PDE4D: variants seen among roughly 807,000 people sequenced by gnomAD.
PDE4D encodes the protein 3',5'-cyclic-AMP phosphodiesterase 4D.
In PDE4D, 24 loss-of-function variants were observed where a neutral mutation model predicts 87.4. The ratio of observed to expected loss-of-function variants is 0.27; its 90% confidence interval spans 0.20 to 0.39. PDE4D has a LOEUF of 0.39. PDE4D is among the 10% of genes least tolerant of loss of function. The pLI, the probability that PDE4D is intolerant of heterozygous loss-of-function variation, is 1.00. For synonymous variants in PDE4D, 384 were observed against 383.2 expected (o/e 1.00, Z -0.02); for missense variants, 714 against 1,041.0 (o/e 0.69, Z 4.32).
At chr5:60,042,365 C>T (rs972331557) in intron 2 of PDE4D, among the ~76,000 whole-genome samples, 6 of 152,186 alleles carry the variant, frequency 3.9e-5, no homozygotes, top group African/African-American at 1.2e-4. Flanking sequence ...TGCCTGTAGG[C>T]GCTGCTTCAG....
intron 1 of PDE4D, among the ~76,000 whole-genome samples, chr5:59,423,716 A>T (rs754271567): frequency 6.6e-6 from 1 of 152,126 alleles, no homozygotes; most frequent in African/African-American, 2.4e-5. Flanking sequence ...GCTAGTAGTT[A>T]TTTATACCTA....
intron 1 of PDE4D, among the ~76,000 whole-genome samples, chr5:60,242,984 T>C (rs1583189933): frequency 6.6e-6 from 1 of 151,476 alleles, no homozygotes; most frequent in African/African-American, 2.4e-5. Flanking sequence ...AATAATAAAG[T>C]TCAGAGCAGA....
intron 1 of PDE4D, among the ~76,000 whole-genome samples, chr5:59,547,851 G>A (rs1043763925): frequency 3.3e-5 from 5 of 152,138 alleles, no homozygotes; most frequent in Non-Finnish European, 1.5e-5. Context: ...GGCCTGGTCA[G>A]TCAGTCACAA....
rs1462588500 is a variant in PDE4D at position 58,973,172 on chromosome 5, ATATTC to A, written c.*1487_*1491del. 6.6e-6 allele frequency: 1 copy of A among 152,146 alleles called. No individual in the cohort carries two copies. Among genetic ancestry groups the A allele is most frequent in the Admixed American group, 6.5e-5 (1 of 15,282 alleles). The allele number at this position is 152,146 out of a possible 1,614,324, so 9.4% of individuals were successfully genotyped here. A position where few individuals can be genotyped will look rare whatever the true frequency, so the allele number is the denominator to read the frequency against. On this transcript the variant is annotated 3_prime_UTR_variant, in exon 15 of 15. Coordinates refer to ENST00000340635, the MANE Select transcript of PDE4D (RefSeq NM_001104631.2). ...ATTGGTGTTTGTTAATATATTGTTA[ATATTC>A]TTAAAAACTGCCTAGTTGGCTGTTT...
chr5:59,473,266 T>G (rs930647488), intron 1 of PDE4D, among the ~76,000 whole-genome samples: 1 of 152,114 alleles, frequency 6.6e-6, no homozygotes, highest in Non-Finnish European at 1.5e-5. Context: ...ATATATAGTT[T>G]AGACTCTAAT....
intron 1 of PDE4D, among the ~76,000 whole-genome samples, chr5:59,666,890 T>C (rs1320828794): frequency 6.6e-6 from 1 of 152,184 alleles, no homozygotes; most frequent in African/African-American, 2.4e-5. Context: ...TCCTCATTCA[T>C]AGTCCAGCTC....
At chr5:58,993,127 G>T (rs1311857919) in intron 7 of PDE4D, among the ~76,000 whole-genome samples, 1 of 151,960 alleles carries the variant, frequency 6.6e-6, no homozygotes, top group Admixed American at 6.6e-5. Context: ...TGAAAAAATG[G>T]CAATATATAA....
At chr5:59,164,873 G>A (rs1167135414) in intron 5 of PDE4D, 1 of 152,126 alleles carries the variant, frequency 6.6e-6, no homozygotes, top group Non-Finnish European at 1.5e-5. Context: ...CAGATTTAGA[G>A]ACAGAGGCCA....
At chr5:59,400,807 TGA>T (rs1790474139) in intron 1 of PDE4D, among the ~76,000 whole-genome samples, 1 of 152,118 alleles carries the variant, frequency 6.6e-6, no homozygotes, top group African/African-American at 2.4e-5. Context: ...ATTTTAGATA[TGA>T]GAGAAAATGC....
intron 1 of PDE4D, among the ~76,000 whole-genome samples, chr5:60,511,480 C>G (rs1750569109): frequency 6.6e-6 from 1 of 150,796 alleles, no homozygotes; most frequent in African/African-American, 2.4e-5. Flanking sequence ...ATACATTATT[C>G]TATGAACAAA....
At chr5:60,084,460 T>C (rs531332076) in intron 2 of PDE4D, among the ~76,000 whole-genome samples, 1 of 152,106 alleles carries the variant, frequency 6.6e-6, no homozygotes, top group African/African-American at 2.4e-5. Flanking sequence ...TATGGGCCTG[T>C]TTGAGAATTT....
At chr5:59,103,685 C>T (rs1046891734) in intron 5 of PDE4D, among the ~76,000 whole-genome samples, 6 of 152,194 alleles carry the variant, frequency 3.9e-5, no homozygotes, top group East Asian at 1.9e-4. Flanking sequence ...TGGTTTGAGA[C>T]GAGTTTGAAG....
intron 2 of PDE4D, among the ~76,000 whole-genome samples, chr5:60,052,139 G>T (rs1026773910): frequency 6.6e-6 from 1 of 152,118 alleles, no homozygotes; most frequent in Non-Finnish European, 1.5e-5. Context: ...CATTCCTTCT[G>T]AAACTACTCC....
At chr5:59,992,750 G>C (rs1226823838) in intron 2 of PDE4D, among the ~76,000 whole-genome samples, 1 of 152,094 alleles carries the variant, frequency 6.6e-6, no homozygotes, top group African/African-American at 2.4e-5. Flanking sequence ...TAAAAATGAA[G>C]TTTACACTCA....
At chr5:59,094,521 T>C (rs1375384645) in intron 5 of PDE4D, among the ~76,000 whole-genome samples, 2 of 152,032 alleles carry the variant, frequency 1.3e-5, no homozygotes, top group African/African-American at 4.8e-5. Context: ...GACTCATATC[T>C]CTGGAGTGAA....
chr5:60,474,105 CATATATATAT>C lies in PDE4D; in HGVS notation c.-90+13827_-90+13836del, dbSNP rs1158022321. On this transcript the variant is annotated intron_variant, in intron 1 of 16. Transcript: ENST00000502484. ...TACTGTCTCAGTCCCTTTGAGCTGCCATATATATATATATATATATATATATATATATATA... is the reference window on the plus strand; with the variant it reads ...TACTGTCTCAGTCCCTTTGAGCTGCCATATATATATATATATATATATATA... 7.5e-3 allele frequency among the ~76,000 whole-genome samples: 232 copies of C among 31,002 alleles called. 5 individuals are homozygous for C. The highest frequency in any genetic ancestry group is 0.029 in the Middle Eastern group (1 of 34). 20.3% of individuals were successfully genotyped at this position (31,002 alleles called of 152,430 possible). A position where few individuals can be genotyped will look rare whatever the true frequency, so the allele number is the denominator to read the frequency against.
intron 1 of PDE4D, among the ~76,000 whole-genome samples, chr5:59,587,175 T>C (rs988782292): frequency 2.0e-5 from 3 of 152,222 alleles, no homozygotes; most frequent in African/African-American, 7.2e-5. Context: ...TTAAGTAAAA[T>C]GACTAAGCTA....
intron 1 of PDE4D, among the ~76,000 whole-genome samples, chr5:59,831,386 C>A (rs1462855882): frequency 6.8e-6 from 1 of 147,748 alleles, no homozygotes; most frequent in Non-Finnish European, 1.5e-5. Flanking sequence ...GACTTCCAAG[C>A]TTGGTGGCCA....
intron 1 of PDE4D, among the ~76,000 whole-genome samples, chr5:59,423,531 GATTT>G (rs1794769774): frequency 6.6e-6 from 1 of 152,044 alleles, no homozygotes; most frequent in South Asian, 2.1e-4. Flanking sequence ...TATAAATTAA[GATTT>G]ATTATGATAG....
Sources: gnomAD v4.1 joint callset for allele counts (sites outside exome capture counted in the v4.1 genomes callset) on GRCh38, gnomAD v4.1.1 for gene constraint, MANE v1.5 for transcripts, NCBI Gene and HGNC (gene_info 2026-07-23, HGNC 2026-07-21) for gene names.